L3MBTL4: variants seen among roughly 807,000 people sequenced by gnomAD.
The protein encoded by L3MBTL4 is L3MBTL histone methyl-lysine binding protein 4.
L3MBTL4 carries 70 observed loss-of-function variants against 84.5 expected under a neutral mutation model. That is an observed-to-expected ratio of 0.83 (90% CI 0.68 to 1.01). The LOEUF (loss-of-function observed/expected upper bound fraction) is 1.01. Among genes scored for constraint, L3MBTL4 ranks in the 50% least tolerant of loss-of-function variants. L3MBTL4 has a pLI of 0.00. For synonymous variants in L3MBTL4, 274 were observed against 259.8 expected (o/e 1.05, Z -0.52); for missense variants, 715 against 754.8 (o/e 0.95, Z 0.62).
At chr18:6,296,309 C>T (rs1021395261) in intron 4 of L3MBTL4, among the ~76,000 whole-genome samples, 3 of 152,132 alleles carry the variant, frequency 2.0e-5, no homozygotes, top group African/African-American at 4.8e-5. Flanking sequence ...CTAATTAATA[C>T]TCTAGAGCTT....
intron 14 of L3MBTL4, among the ~76,000 whole-genome samples, chr18:6,119,911 C>A (rs753343815): frequency 1.3e-5 from 2 of 152,166 alleles, no homozygotes; most frequent in Non-Finnish European, 2.9e-5. Flanking sequence ...AAACAGACCA[C>A]CAACTGGGTA....
chr18:6,291,088 G>A (rs557977705), intron 4 of L3MBTL4, among the ~76,000 whole-genome samples: 10 of 152,268 alleles, frequency 6.6e-5, no homozygotes, highest in African/African-American at 2.2e-4. Flanking sequence ...CATTTTTCAC[G>A]TTGTAGACAG....
intron 14 of L3MBTL4, among the ~76,000 whole-genome samples, chr18:6,123,495 T>C (rs1245880047): frequency 1.3e-5 from 2 of 152,192 alleles, no homozygotes; most frequent in African/African-American, 4.8e-5. Context: ...GCTGTTCCCC[T>C]GCATAGGCTC....
Position 6,205,300 on chromosome 18 carries a change from A to G in L3MBTL4, c.981+7849T>C, listed in dbSNP as rs541684181. 3.3e-5 allele frequency among the ~76,000 whole-genome samples: 5 copies of G among 152,350 alleles called. No homozygotes were observed. The South Asian group carries it at 1.0e-3, about 32-fold the overall frequency. On this transcript the variant is annotated intron_variant, in intron 12 of 18. Transcript: ENST00000317931. ...TAGAAGACAGAAAAGACAAGGAAAC[A>G]GATTCTTCTCCAGAGCTTCCAGAAG...
chr18:6,373,119 G>GA (rs1311516104), intron 1 of L3MBTL4, among the ~76,000 whole-genome samples: 5 of 152,012 alleles, frequency 3.3e-5, no homozygotes, highest in Admixed American at 2.0e-4. Context: ...ATATTCTGGG[G>GA]AAAAAAATTT....
intron 15 of L3MBTL4, chr18:6,082,403 G>A (rs969718892): frequency 6.6e-5 from 10 of 152,082 alleles, no homozygotes; most frequent in Admixed American, 2.0e-4. Context: ...TAAGCAGTGA[G>A]TATCTGGTAG....
rs116627502 is a variant in L3MBTL4, at chr18:6,332,795, C to T, written c.-90-20739G>A. ...GCTCAGTTTTGTGAGCTAATAACTT[C>T]CCTTTTCTGGTTCAGCCATTTCTGT... is the stretch of plus-strand genomic sequence containing the variant. On this transcript the variant is annotated intron_variant, in intron 1 of 18. Coordinates refer to ENST00000317931, the MANE Select transcript of L3MBTL4 (RefSeq NM_001330559.2). 7.3e-3 allele frequency among the ~76,000 whole-genome samples: 1,116 copies of T among 152,330 alleles called. 14 individuals are homozygous for T. Among genetic ancestry groups the T allele is most frequent in the African/African-American group, 0.026 (1,078 of 41,560 alleles).
intron 16 of L3MBTL4, among the ~76,000 whole-genome samples, chr18:6,034,567 T>C (rs569483865): frequency 6.6e-6 from 1 of 152,130 alleles, no homozygotes; most frequent in Admixed American, 6.5e-5. Flanking sequence ...TTTGGGTTGG[T>C]TCCAAGTCTT....
intron 13 of L3MBTL4, among the ~76,000 whole-genome samples, chr18:6,156,411 C>G (rs929921425): frequency 2.6e-5 from 4 of 152,166 alleles, no homozygotes; most frequent in African/African-American, 9.7e-5. Flanking sequence ...AACTCTTCCT[C>G]ATGTAATATT....
chr18:6,151,364 G>T (rs988462502), intron 13 of L3MBTL4, among the ~76,000 whole-genome samples: 1 of 151,868 alleles, frequency 6.6e-6, no homozygotes, highest in African/African-American at 2.4e-5. Flanking sequence ...TACACAATAA[G>T]CAACTGCTAC....
intron 13 of L3MBTL4, among the ~76,000 whole-genome samples, chr18:6,157,080 T>C (rs1185302302): frequency 3.9e-5 from 6 of 152,216 alleles, no homozygotes; most frequent in Admixed American, 3.3e-4. Context: ...AAACGTATTA[T>C]TTTTTTCTCG....
intron 1 of L3MBTL4, among the ~76,000 whole-genome samples, chr18:6,319,532 G>A (rs1013655985): frequency 5.3e-5 from 8 of 152,036 alleles, no homozygotes; most frequent in Non-Finnish European, 1.0e-4. Flanking sequence ...AAAATCTAGA[G>A]GAAATGGATA....
intron 12 of L3MBTL4, among the ~76,000 whole-genome samples, chr18:6,191,193 G>A (rs2045065931): frequency 6.6e-6 from 1 of 152,238 alleles, no homozygotes; most frequent in Non-Finnish European, 1.5e-5. Context: ...AACTGGGGCA[G>A]AGGGAGGTGG....
intron 13 of L3MBTL4, among the ~76,000 whole-genome samples, chr18:6,170,011 C>G (rs894895296): frequency 3.9e-5 from 6 of 152,106 alleles, no homozygotes; most frequent in African/African-American, 1.4e-4. Context: ...GCACATGCTA[C>G]GGGGCAGGCA....
chr18:6,266,517 T>C (rs2048639843), intron 4 of L3MBTL4, among the ~76,000 whole-genome samples: 1 of 152,184 alleles, frequency 6.6e-6, no homozygotes, highest in African/African-American at 2.4e-5. Context: ...GGAGGTAAGA[T>C]GCACCTCTCA....
At chr18:6,307,086 C>T (rs2050618812) in intron 3 of L3MBTL4, among the ~76,000 whole-genome samples, 1 of 152,078 alleles carries the variant, frequency 6.6e-6, no homozygotes, top group Non-Finnish European at 1.5e-5. Flanking sequence ...CCACTCTTAC[C>T]CCTCAACTTT....
intron 7 of L3MBTL4, among the ~76,000 whole-genome samples, chr18:6,241,950 A>G (rs1020009147): frequency 1.3e-5 from 2 of 152,098 alleles, no homozygotes; most frequent in African/African-American, 4.8e-5. Flanking sequence ...CGCCTTCTCA[A>G]TCCAATGCCC....
At chr18:5,970,588 A>T (rs1296454702) in intron 16 of L3MBTL4, among the ~76,000 whole-genome samples, 1 of 152,244 alleles carries the variant, frequency 6.6e-6, no homozygotes, top group Non-Finnish European at 1.5e-5. Context: ...AACACACATT[A>T]GCAAAATAAA....
chr18:6,342,530 T>C (rs1180181863), intron 1 of L3MBTL4, among the ~76,000 whole-genome samples: 1 of 152,120 alleles, frequency 6.6e-6, no homozygotes, highest in African/African-American at 2.4e-5. Context: ...TAACTGTAAG[T>C]GTTTTATGTG....
Sources: allele counts gnomAD v4.1 joint callset (sites outside exome capture counted in the v4.1 genomes callset), GRCh38; gene constraint gnomAD v4.1.1; transcripts MANE v1.5; gene names NCBI Gene and HGNC (gene_info 2026-07-23, HGNC 2026-07-21).